The following SLC44A5 variants were observed in gnomAD, a reference collection of about 807,000 sequenced individuals.
The protein encoded by SLC44A5 is solute carrier family 44 member 5, also known as choline transporter-like protein 5.
A neutral mutation model predicts 101.8 loss-of-function variants in SLC44A5; 57 were observed. That is an observed-to-expected ratio of 0.56 (90% CI 0.45 to 0.70). The LOEUF (loss-of-function observed/expected upper bound fraction) is 0.70. SLC44A5 is among the 30% of genes least tolerant of loss of function. SLC44A5 has a pLI of 0.00. For synonymous variants in SLC44A5, 281 were observed against 290.9 expected, an observed-to-expected ratio of 0.97 and a Z score of 0.35; for missense variants, 737 against 853.1, an observed-to-expected ratio of 0.86 and a Z score of 1.70.
rs1425913951 is a variant in SLC44A5, at chr1:75,387,298, C to T, written c.52+9285G>A. Among the ~76,000 whole-genome samples the T allele has an allele frequency of 3.8e-3, 573 of 149,320 alleles. 3 individuals carry two copies. Among genetic ancestry groups the T allele is most frequent in the African/African-American group, 0.013 (544 of 40,388 alleles). On this transcript the variant is annotated intron_variant, in intron 3 of 23. Transcript: ENST00000370859. ...AACCTACAAAATGGGAGAAAATTTT[C>T]GCAACCTACTCATCTGACAAAGGGC... is the stretch of plus-strand genomic sequence containing the variant.
intron 2 of SLC44A5, among the ~76,000 whole-genome samples, chr1:75,498,841 A>G (rs1668802341): frequency 6.6e-6 from 1 of 152,226 alleles, no homozygotes; most frequent in Non-Finnish European, 1.5e-5. Flanking sequence ...TATGCAATAT[A>G]TTGAAAGTCA....
At chr1:75,422,881 T>C (rs576435340) in intron 2 of SLC44A5, among the ~76,000 whole-genome samples, 4 of 152,276 alleles carry the variant, frequency 2.6e-5, no homozygotes, top group Admixed American at 2.6e-4. Context: ...TGCTTTCTAT[T>C]AGGTTGGTGC....
intron 1 of SLC44A5, among the ~76,000 whole-genome samples, chr1:75,594,941 A>G (rs1674553020): frequency 6.6e-6 from 1 of 152,020 alleles, no homozygotes; most frequent in Admixed American, 6.6e-5. Context: ...AGTAAAACAT[A>G]TAAGGCTGAA....
intron 2 of SLC44A5, among the ~76,000 whole-genome samples, chr1:75,519,226 G>A (rs1359656713): frequency 6.6e-6 from 1 of 152,122 alleles, no homozygotes; most frequent in Non-Finnish European, 1.5e-5. Flanking sequence ...TTTCTTAGTT[G>A]ATAAGGTAGG....
intron 2 of SLC44A5, among the ~76,000 whole-genome samples, chr1:75,535,276 T>C (rs979343490): frequency 1.3e-5 from 2 of 152,096 alleles, no homozygotes; most frequent in Admixed American, 6.5e-5. Flanking sequence ...GTGAGCCTGA[T>C]ACATATTTGA....
intron 2 of SLC44A5, among the ~76,000 whole-genome samples, chr1:75,537,560 G>T (rs1407063391): frequency 2.0e-5 from 3 of 152,220 alleles, no homozygotes; most frequent in South Asian, 2.1e-4. Flanking sequence ...AGAACAGGCA[G>T]AAACAGCCTA....
intron 5 of SLC44A5, among the ~76,000 whole-genome samples, chr1:75,281,399 G>A (rs1652538893): frequency 6.6e-6 from 1 of 151,880 alleles, no homozygotes; most frequent in African/African-American, 2.4e-5. Context: ...AAGAGGATGT[G>A]GAGCATAAAA....
chr1:75,663,644 G>A, the SLC44A5 span, among the ~76,000 whole-genome samples: 1 of 152,058 alleles, frequency 6.6e-6, no homozygotes, highest in African/African-American at 2.4e-5. Flanking sequence ...AATTAAATCA[G>A]TAATAAAAAA....
At position 75,259,653 on chromosome 1, in the gene SLC44A5, A is replaced by G. The variant is rs145801919; in HGVS notation, c.261-8359T>C. 9.1e-3 allele frequency among the ~76,000 whole-genome samples: 1,387 copies of G among 152,290 alleles called. 40 individuals carry two copies. Among genetic ancestry groups the G allele is most frequent in the African/African-American group, 0.032 (1,316 of 41,512 alleles). On this transcript the variant is annotated intron_variant, in intron 6 of 23. Transcript: ENST00000370859. ...TTCCCCAGTCTAGCAAGGCAGGCCA[A>G]TATTCAAATTCAGGAAATACAGAAA...
intron 4 of SLC44A5, among the ~76,000 whole-genome samples, chr1:75,317,618 C>CA (rs970086555): frequency 6.6e-6 from 1 of 152,112 alleles, no homozygotes; most frequent in African/African-American, 2.4e-5. Context: ...GCTGCTATAA[C>CA]AAAATACCAT....
chr1:75,238,204 A>G (rs544938482), intron 10 of SLC44A5, among the ~76,000 whole-genome samples: 1 of 149,344 alleles, frequency 6.7e-6, no homozygotes, highest in African/African-American at 2.5e-5. Flanking sequence ...CTGGGGAAGG[A>G]GAATTGCTTG....
chr1:75,238,385 C>CATAT (rs71081318), intron 10 of SLC44A5, 128 bp downstream of exon 10: 14,115 of 213,252 alleles, frequency 0.066, 671 homozygotes, highest in African/African-American at 0.13. Context: ...ACGTATATTT[C>CATAT]ATATATATAT....
rs1045109810 is a variant in SLC44A5 at position 75,202,779 on chromosome 1, CTG to C, written c.*946_*947del. ...TTCTCTTTCTGATCTTTGTAAAACA[CTG>C]AGAAATGCAGTATTATACCTATTGT... On this transcript the variant is annotated 3_prime_UTR_variant, in exon 24 of 24. Coordinates refer to ENST00000370859, the MANE Select transcript of SLC44A5 (RefSeq NM_001130058.2). The C allele has an allele frequency of 6.6e-6, 1 of 151,878 alleles. No homozygotes were observed. Among genetic ancestry groups the C allele is most frequent in the Non-Finnish European group, 1.5e-5 (1 of 67,982 alleles). 9.4% of individuals were successfully genotyped at this position (151,878 alleles called of 1,614,324 possible). A position where few individuals can be genotyped will look rare whatever the true frequency, so the allele number is the denominator to read the frequency against.
chr1:75,241,945 A>G lies in SLC44A5; in HGVS notation c.532+56T>C, dbSNP rs1648668646. The stretch of plus-strand genomic sequence containing the variant: ...ATCAATTGTGAAATACGGGAACTTA[A>G]TTAAGTAGCATTTTGGTAGATCCTA... On this transcript the variant is annotated intron_variant, in intron 9 of 23. Coordinates refer to ENST00000370859, the MANE Select transcript of SLC44A5 (RefSeq NM_001130058.2). 7.6e-6 allele frequency: 11 copies of G among 1,449,404 alleles called. 1 individual carries two copies. The highest frequency in any genetic ancestry group is 1.1e-5 in the Non-Finnish European group (11 of 1,032,524). 89.8% of individuals were successfully genotyped at this position (1,449,404 alleles called of 1,614,324 possible).
chr1:75,341,571 A>G (rs1411698924), intron 3 of SLC44A5, among the ~76,000 whole-genome samples: 2 of 151,972 alleles, frequency 1.3e-5, no homozygotes, highest in Non-Finnish European at 2.9e-5. Flanking sequence ...AAGGAAGGAA[A>G]AAAGGAAGGA....
chr1:75,624,770 A>G, the SLC44A5 span, among the ~76,000 whole-genome samples: 2 of 152,090 alleles, frequency 1.3e-5, no homozygotes, highest in Non-Finnish European at 2.9e-5. Context: ...CTGAACCTCA[A>G]TTTTGAGTTG....
intron 1 of SLC44A5, among the ~76,000 whole-genome samples, chr1:75,579,358 G>A (rs554339472): frequency 2.3e-4 from 35 of 152,262 alleles, no homozygotes; most frequent in African/African-American, 7.7e-4. Context: ...CAGGAGGATC[G>A]CTTGAACTGA....
intron 1 of SLC44A5, among the ~76,000 whole-genome samples, chr1:75,601,601 A>G (rs909029613): frequency 6.6e-6 from 1 of 152,192 alleles, no homozygotes. Context: ...AGCCAATATT[A>G]TAACAGGTAA....
intron 1 of SLC44A5, among the ~76,000 whole-genome samples, chr1:75,556,547 C>T (rs1487025507): frequency 6.6e-6 from 1 of 152,096 alleles, no homozygotes; most frequent in Admixed American, 6.6e-5. Flanking sequence ...CATTTCATCC[C>T]TGCAACAACC....
Sources: allele counts gnomAD v4.1 joint callset (sites outside exome capture counted in the v4.1 genomes callset), GRCh38; gene constraint gnomAD v4.1.1; transcripts MANE v1.5; gene names NCBI Gene and HGNC (gene_info 2026-07-23, HGNC 2026-07-21).